DAB1: variants seen among roughly 807,000 people sequenced by gnomAD.
DAB1 encodes DAB adaptor protein 1.
A neutral mutation model predicts 64.6 loss-of-function variants in DAB1; 15 were observed. That is an observed-to-expected ratio of 0.23 (90% confidence interval 0.16 to 0.36). The LOEUF is 0.36. Among genes scored for constraint, DAB1 ranks in the 10% least tolerant of loss-of-function variants. The pLI, the probability that DAB1 is intolerant of heterozygous loss-of-function variation, is 1.00. For synonymous variants in DAB1, 235 were observed against 251.9 expected (o/e 0.93, Z 0.64); for missense variants, 596 against 706.7 (o/e 0.84, Z 1.78).
chr1:57,369,688 G>A (rs1052992658), intron 1 of DAB1, among the ~76,000 whole-genome samples: 9 of 152,176 alleles, frequency 5.9e-5, no homozygotes, highest in Admixed American at 5.2e-4. Context: ...CTGGATTCAG[G>A]CTTGAGATGA....
intron 5 of DAB1, among the ~76,000 whole-genome samples, chr1:57,896,737 T>C (rs1338253023): frequency 6.6e-6 from 1 of 152,206 alleles, no homozygotes; most frequent in Admixed American, 6.5e-5. Flanking sequence ...AATGAGATAG[T>C]ATACATAAAG....
chr1:58,545,968 A>G (rs371789198), intron 1 of DAB1, among the ~76,000 whole-genome samples: 3 of 152,332 alleles, frequency 2.0e-5, no homozygotes, highest in African/African-American at 7.2e-5. Flanking sequence ...AAATCCTTTT[A>G]GCGAGGGTTG....
intron 6 of DAB1, among the ~76,000 whole-genome samples, chr1:57,674,488 T>C (rs1218358944): frequency 6.6e-6 from 1 of 152,134 alleles, no homozygotes; most frequent in Admixed American, 6.6e-5. Flanking sequence ...GAATGACTGA[T>C]CTAATTGGTA....
chr1:58,238,314 C>A (rs947643694), intron 4 of DAB1, among the ~76,000 whole-genome samples: 4 of 152,162 alleles, frequency 2.6e-5, no homozygotes, highest in African/African-American at 9.7e-5. Context: ...GGAAATGATG[C>A]TTCCATCATG....
chr1:57,488,534 G>A (rs1218215928), intron 7 of DAB1, among the ~76,000 whole-genome samples: 1 of 151,848 alleles, frequency 6.6e-6, no homozygotes, highest in Non-Finnish European at 1.5e-5. Flanking sequence ...AAATTAGCCG[G>A]GTGTGGTGGT....
At chr1:57,558,433 G>A (rs1200458183) in intron 7 of DAB1, among the ~76,000 whole-genome samples, 1 of 152,146 alleles carries the variant, frequency 6.6e-6, no homozygotes, top group Non-Finnish European at 1.5e-5. Flanking sequence ...AGGTTGAGAG[G>A]GTGACCCATG....
At chr1:57,034,675 T>C (rs1424003313) in intron 9 of DAB1, among the ~76,000 whole-genome samples, 2 of 152,236 alleles carry the variant, frequency 1.3e-5, no homozygotes, top group African/African-American at 4.8e-5. Flanking sequence ...CATGTTCTAG[T>C]CTATGTATAA....
At chr1:57,342,608 T>TG (rs1220075110) in intron 1 of DAB1, among the ~76,000 whole-genome samples, 2 of 152,238 alleles carry the variant, frequency 1.3e-5, no homozygotes, top group Non-Finnish European at 2.9e-5. Context: ...GGTGGGTTCT[T>TG]GGTCTCACTG....
intron 4 of DAB1, among the ~76,000 whole-genome samples, chr1:58,172,540 C>G (rs1307111072): frequency 1.3e-5 from 2 of 152,124 alleles, no homozygotes; most frequent in Non-Finnish European, 2.9e-5. Context: ...TGTGTGTAGC[C>G]CTCAACTCTG....
chr1:57,557,989 A>C (rs930181245), intron 7 of DAB1, among the ~76,000 whole-genome samples: 5 of 150,294 alleles, frequency 3.3e-5, no homozygotes, highest in Admixed American at 6.7e-5. Flanking sequence ...AAAAACAGAC[A>C]CAAGCTTCTA....
chr1:58,437,357 G>A (rs1000775891), intron 3 of DAB1, among the ~76,000 whole-genome samples: 1 of 152,142 alleles, frequency 6.6e-6, no homozygotes, highest in Non-Finnish European at 1.5e-5. Context: ...GAGGAAGGGA[G>A]AGAAGAAAAG....
chr1:57,071,418 T>C, intron 6 of DAB1, 104 bp downstream of exon 6: 1 of 1,368,588 alleles, frequency 7.3e-7, no homozygotes, highest in South Asian at 1.4e-5. Context: ...TTCATCTTCG[T>C]TTATTTCTAC....
intron 4 of DAB1, among the ~76,000 whole-genome samples, chr1:58,180,281 C>CTTTTTTTTTTTTTTTTTTTT (rs869204611): frequency 2.9e-4 from 18 of 61,036 alleles, no homozygotes; most frequent in African/African-American, 5.0e-4. Context: ...TTTTTCTTTT[C>CTTTTTTTTTTTTTTTTTTTT]TTTTTTTTTT....
chr1:57,010,765 T>C lies in DAB1; in HGVS notation c.1598A>G (p.Asn533Ser). The change falls in exon 14 of 15, where the codon AAC (asparagine) becomes AGC (serine). Residue 533 changes from asparagine to serine, a missense_variant. By Grantham distance (46) the Asn-to-Ser change is conservative. Around this residue, in one of 3 missense-constraint regions of DAB1, gnomAD observed 377 missense variants for 400.4 expected, o/e 0.94. Transcript: ENST00000371236. Reference protein sequence around the residue: ...EAPDGSQASSNSDPFGEPSGE... With the variant: ...EAPDGSQASSSSDPFGEPSGE... Reference sequence around the variant, plus strand: ...ACTGGGCTCACCAAATGGATCACTGTTGGATGAGGCCTGTGATCCATCAGG... The same window carrying C: ...ACTGGGCTCACCAAATGGATCACTGCTGGATGAGGCCTGTGATCCATCAGG... 6.3e-7 allele frequency: 1 copy of C among 1,594,362 alleles called. No individual in the cohort carries two copies. The highest frequency in any genetic ancestry group is 8.6e-7 in the Non-Finnish European group (1 of 1,168,272).
At chr1:58,346,286 T>C (rs1288694145) in intron 3 of DAB1, among the ~76,000 whole-genome samples, 3 of 152,206 alleles carry the variant, frequency 2.0e-5, no homozygotes, top group Non-Finnish European at 2.9e-5. Flanking sequence ...ACAATAGCTA[T>C]TTATTCAGCT....
At chr1:58,446,387 C>A (rs1201927391) in intron 3 of DAB1, among the ~76,000 whole-genome samples, 1 of 152,178 alleles carries the variant, frequency 6.6e-6, no homozygotes, top group Non-Finnish European at 1.5e-5. Context: ...AAAATATCTT[C>A]CTTCCAGAAG....
intron 5 of DAB1, among the ~76,000 whole-genome samples, chr1:57,908,040 T>C (rs1322375409): frequency 1.3e-5 from 2 of 152,068 alleles, no homozygotes; most frequent in African/African-American, 2.4e-5. Context: ...CAAGTATCTA[T>C]AGATGCTCTG....
rs146777474 is a variant in DAB1, at chr1:57,219,049, A to G, written c.67+71915T>C. Among the ~76,000 whole-genome samples the G allele has an allele frequency of 1.8e-3, 275 of 152,312 alleles. 2 individuals are homozygous for G. The highest frequency in any genetic ancestry group is 6.2e-3 in the African/African-American group (257 of 41,570). ...AACCACACTAAACATTCCTTTTTCT[A>G]TCGCATGGATAGAGGATAGTCTCTG... On this transcript the variant is annotated intron_variant, in intron 2 of 14. Coordinates refer to ENST00000371236, the MANE Select transcript of DAB1 (RefSeq NM_001365792.1).
At chr1:57,984,184 A>AAAAGAAAGAAAGAAAGAAAGAAAGAAAG (rs557402048) in intron 5 of DAB1, among the ~76,000 whole-genome samples, 2 of 50,710 alleles carry the variant, frequency 3.9e-5, no homozygotes, top group African/African-American at 5.6e-5. Context: ...TAGCTTAAAA[A>AAAAGAAAGAAAGAAAGAAAGAAAGAAAG]AAAGAAAGAA....
Sources: gnomAD v4.1 joint callset for allele counts (sites outside exome capture counted in the v4.1 genomes callset) on GRCh38, gnomAD v4.1.1 for gene constraint, gnomAD v4.1.1 regional missense constraint, MANE v1.5 for transcripts, NCBI Gene and HGNC (gene_info 2026-07-23, HGNC 2026-07-21) for gene names.